PPHLN1: variants seen among roughly 807,000 people sequenced by gnomAD.
The protein encoded by PPHLN1 is periphilin-1.
A neutral mutation model predicts 51.3 loss-of-function variants in PPHLN1; 29 were observed. That is an observed-to-expected ratio of 0.57 (90% confidence interval 0.42 to 0.77). The LOEUF is 0.77. Ranked by LOEUF, PPHLN1 falls within the 30% of genes least tolerant of loss-of-function variation. PPHLN1 has a pLI of 0.00. For missense variants in PPHLN1, 436 were observed against 438.4 expected, an observed-to-expected ratio of 0.99 and a Z score of 0.05; for synonymous variants, 147 against 147.8, an observed-to-expected ratio of 0.99 and a Z score of 0.04.
At chr12:42,414,558 T>A in intron 9 of PPHLN1, among the ~76,000 whole-genome samples, 1 of 152,134 alleles carries the variant, frequency 6.6e-6, no homozygotes, top group East Asian at 1.9e-4. Flanking sequence ...AAGGATTGAG[T>A]TCTTGATTTG....
intron 9 of PPHLN1, among the ~76,000 whole-genome samples, chr12:42,439,462 T>C (rs986725166): frequency 6.6e-6 from 1 of 152,254 alleles, no homozygotes; most frequent in Non-Finnish European, 1.5e-5. Context: ...GCCAATGGCA[T>C]ACAATCTTGA....
chr12:42,389,765 A>G (rs2077523828), intron 7 of PPHLN1, among the ~76,000 whole-genome samples: 1 of 152,106 alleles, frequency 6.6e-6, no homozygotes, highest in Non-Finnish European at 1.5e-5. Context: ...TTGTGCTTTT[A>G]TTTGGGGAGT....
chr12:42,329,988 G>A (rs2069448316), intron 1 of PPHLN1: 1 of 152,170 alleles, frequency 6.6e-6, no homozygotes, highest in African/African-American at 2.4e-5. Flanking sequence ...TCAGCAAGGG[G>A]AATGCGGCAG....
At chr12:42,342,320 C>G (rs1484326818) in intron 2 of PPHLN1, among the ~76,000 whole-genome samples, 1 of 152,158 alleles carries the variant, frequency 6.6e-6, no homozygotes, top group Non-Finnish European at 1.5e-5. Context: ...AGTGGAGCAG[C>G]CACAGCTCAC....
intron 8 of PPHLN1, among the ~76,000 whole-genome samples, chr12:42,397,594 A>T (rs1166078033): frequency 6.7e-6 from 1 of 149,082 alleles, no homozygotes; most frequent in Non-Finnish European, 1.5e-5. Context: ...CCTATGTCTT[A>T]GTTTTGTGTT....
At chr12:42,360,997 C>T (rs1409517695) in intron 4 of PPHLN1, among the ~76,000 whole-genome samples, 1 of 152,152 alleles carries the variant, frequency 6.6e-6, no homozygotes, top group African/African-American at 2.4e-5. Flanking sequence ...CTAGTTTTAG[C>T]ATCCACTGAT....
At chr12:42,375,809 T>C (rs1170614640) in intron 5 of PPHLN1, among the ~76,000 whole-genome samples, 1 of 152,212 alleles carries the variant, frequency 6.6e-6, no homozygotes, top group Non-Finnish European at 1.5e-5. Flanking sequence ...ACAACTACTT[T>C]TCTAGAGAAA....
At chr12:42,390,149 A>G (rs984148208) in intron 7 of PPHLN1, among the ~76,000 whole-genome samples, 4 of 152,130 alleles carry the variant, frequency 2.6e-5, no homozygotes, top group African/African-American at 9.7e-5. Context: ...GATATCACCT[A>G]GCGGTATATA....
intron 9 of PPHLN1, among the ~76,000 whole-genome samples, chr12:42,440,395 A>C (rs73126433): frequency 0.077 from 11,743 of 152,188 alleles, 510 homozygotes; most frequent in East Asian, 0.15. Context: ...TGTTATTTAG[A>C]AGTGTGTTGT....
chr12:42,345,286 C>T (rs1187140674), intron 2 of PPHLN1, among the ~76,000 whole-genome samples: 1 of 151,880 alleles, frequency 6.6e-6, no homozygotes, highest in East Asian at 1.9e-4. Context: ...GGGGTGAGAC[C>T]TCATCCCTAA....
intron 5 of PPHLN1, among the ~76,000 whole-genome samples, chr12:42,377,238 C>T (rs2076343196): frequency 1.3e-5 from 2 of 151,654 alleles, no homozygotes; most frequent in Admixed American, 1.3e-4. Flanking sequence ...AATGAATGCT[C>T]ACATGCACAG....
At chr12:42,376,781 A>T (rs145080582) in intron 5 of PPHLN1, among the ~76,000 whole-genome samples, 178 of 152,282 alleles carry the variant, frequency 1.2e-3, no homozygotes, top group African/African-American at 4.2e-3. Flanking sequence ...GAACGAGACT[A>T]TGTCTCTAAA....
chr12:42,341,708 G>A (rs1286178890), intron 2 of PPHLN1, among the ~76,000 whole-genome samples: 1 of 152,008 alleles, frequency 6.6e-6, no homozygotes, highest in African/African-American at 2.4e-5. Context: ...TGCAAGCTCC[G>A]CCTCCCGGGT....
intron 2 of PPHLN1, among the ~76,000 whole-genome samples, chr12:42,347,630 A>T (rs1352269463): frequency 1.3e-5 from 2 of 152,278 alleles, no homozygotes; most frequent in East Asian, 3.9e-4. Context: ...AAATACAAAA[A>T]TTAGCTGGGC....
At chr12:42,348,862 CTG>C (rs1411623296) in intron 2 of PPHLN1, among the ~76,000 whole-genome samples, 1 of 151,566 alleles carries the variant, frequency 6.6e-6, no homozygotes. Flanking sequence ...ATTGAAATCT[CTG>C]TGAAAGGTAG....
At chr12:42,420,518 G>A (rs2080894968) in intron 9 of PPHLN1, among the ~76,000 whole-genome samples, 1 of 150,866 alleles carries the variant, frequency 6.6e-6, no homozygotes, top group South Asian at 2.1e-4. Context: ...GCGCAGGCTA[G>A]GGAGTGCGGT....
Position 42,354,945 on chromosome 12 carries a change from ATAATT to A in PPHLN1, c.238-212_238-208del, listed in dbSNP as rs547620670. On this transcript the variant is annotated intron_variant, in intron 3 of 9. Transcript: ENST00000358314. The stretch of plus-strand genomic sequence containing the variant: ...TAGCTTGTTTGAGTCTACCAAAGAA[ATAATT>A]TAAGCATTTTAATAGAGATAAATGG... 1.6e-3 allele frequency among the ~76,000 whole-genome samples: 251 copies of A among 152,342 alleles called. 2 individuals carry two copies. Among genetic ancestry groups the A allele is most frequent in the African/African-American group, 5.8e-3 (240 of 41,586 alleles).
rs571579930 is a variant in PPHLN1, at chr12:42,415,870, G to A, written c.909+16876G>A. Among the ~76,000 whole-genome samples the A allele has an allele frequency of 3.3e-5, 5 of 152,370 alleles. No homozygotes were observed. In the East Asian group the frequency reaches 9.6e-4, roughly 29 times the overall value. On this transcript the variant is annotated intron_variant, in intron 9 of 9. Transcript: ENST00000358314. ...TGACTTGTTCAAGTTTATGCTAGAAGTGGTAGAACTGTGACCACTTCTTAT... is the reference window on the plus strand; with the variant it reads ...TGACTTGTTCAAGTTTATGCTAGAAATGGTAGAACTGTGACCACTTCTTAT...
chr12:42,362,098 A>G lies in PPHLN1; in HGVS notation c.299+6876A>G, dbSNP rs1004148612. On this transcript the variant is annotated intron_variant, in intron 4 of 9. Transcript: ENST00000358314. The stretch of plus-strand genomic sequence containing the variant: ...TAACCATCCTCAAGAGTGTAAAGTC[A>G]TATCTCATTGTGGTTTTGATTTGCA... 2.0e-5 allele frequency among the ~76,000 whole-genome samples: 3 copies of G among 152,270 alleles called. No individual in the cohort carries two copies. In the East Asian group the frequency reaches 5.8e-4, roughly 29 times the overall value.
Sources: gnomAD v4.1 joint callset for allele counts (sites outside exome capture counted in the v4.1 genomes callset) on GRCh38, gnomAD v4.1.1 for gene constraint, MANE v1.5 for transcripts, NCBI Gene and HGNC (gene_info 2026-07-23, HGNC 2026-07-21) for gene names.